SPATA6: variants seen among roughly 807,000 people sequenced by gnomAD.
SPATA6 encodes spermatogenesis associated 6.
Under a neutral mutation model 65.3 loss-of-function variants are expected in SPATA6, and 56 were observed. The observed-to-expected ratio is 0.86, with a 90% CI of 0.69 to 1.07. The LOEUF (loss-of-function observed/expected upper bound fraction) is 1.07. SPATA6 is among the 50% of genes least tolerant of loss of function. SPATA6 has a pLI of 0.00. For synonymous variants in SPATA6, 199 were observed against 213.2 expected, an observed-to-expected ratio of 0.93 and a Z score of 0.58; for missense variants, 590 against 594.8, an observed-to-expected ratio of 0.99 and a Z score of 0.08.
intron 4 of SPATA6, 149 bp downstream of exon 4, chr1:48,412,961 T>A (rs1406816214): frequency 4.2e-6 from 1 of 236,222 alleles, no homozygotes; most frequent in African/African-American, 2.3e-5. Flanking sequence ...GTCACTCACA[T>A]GAGTTCCCAA....
At chr1:48,437,158 G>A (rs936434577) in intron 3 of SPATA6, 7 of 1,606,258 alleles carry the variant, frequency 4.4e-6, no homozygotes, top group African/African-American at 4.0e-5. Flanking sequence ...ATTGCCTCCA[G>A]TGTTACCTTG....
At chr1:48,329,689 G>T (rs984411461) in intron 11 of SPATA6, among the ~76,000 whole-genome samples, 4 of 152,220 alleles carry the variant, frequency 2.6e-5, no homozygotes, top group African/African-American at 9.6e-5. Flanking sequence ...CCGCTCATAT[G>T]AGAAACCACG....
chr1:48,457,484 A>G (rs1326594896), intron 1 of SPATA6, among the ~76,000 whole-genome samples: 1 of 152,200 alleles, frequency 6.6e-6, no homozygotes, highest in Non-Finnish European at 1.5e-5. Flanking sequence ...TCAAGAAGAG[A>G]GAATCTTGAA....
At chr1:48,268,720 A>G in the SPATA6 span, among the ~76,000 whole-genome samples, 3 of 152,330 alleles carry the variant, frequency 2.0e-5, no homozygotes, top group African/African-American at 7.2e-5. Context: ...TGTAAAACCT[A>G]CATAGAACTT....
intron 11 of SPATA6, among the ~76,000 whole-genome samples, chr1:48,346,475 A>G (rs1488309925): frequency 6.6e-6 from 1 of 152,000 alleles, no homozygotes; most frequent in Non-Finnish European, 1.5e-5. Context: ...TCCTGGACGG[A>G]GCAATCAGAC....
intron 6 of SPATA6, chr1:48,400,897 CAT>C: frequency 8.9e-7 from 1 of 1,127,760 alleles, no homozygotes; most frequent in Non-Finnish European, 1.1e-6. Context: ...CCATTTCACC[CAT>C]CTCTGTGACA....
chr1:48,377,519 C>A (rs1408636824), intron 9 of SPATA6, among the ~76,000 whole-genome samples: 2 of 152,116 alleles, frequency 1.3e-5, no homozygotes, highest in Non-Finnish European at 2.9e-5. Context: ...TTTCCATTCT[C>A]CTCAACCAGG....
intron 11 of SPATA6, 124 bp downstream of exon 11, chr1:48,355,546 C>T (rs1646633563): frequency 3.1e-6 from 2 of 645,966 alleles, no homozygotes; most frequent in East Asian, 2.9e-5. Context: ...TGACTTCCAT[C>T]AAATGGAGCT....
chr1:48,384,343 ACAGGGACAGG>A (rs1161269347), intron 9 of SPATA6, among the ~76,000 whole-genome samples: 1 of 54,954 alleles, frequency 1.8e-5, no homozygotes, highest in African/African-American at 1.6e-4. Context: ...AGGGACAGGG[ACAGGGACAGG>A]GAGAGGGAGA....
At chr1:48,264,082 G>A in the SPATA6 span, among the ~76,000 whole-genome samples, 2 of 152,144 alleles carry the variant, frequency 1.3e-5, no homozygotes, top group African/African-American at 4.8e-5. Flanking sequence ...TAGTTCACAA[G>A]TGCTCAATAA....
In SPATA6 at chr1:48,399,802, T is replaced by C. The variant is rs1056496644; in HGVS notation, c.487-158A>G. 5.9e-5 allele frequency among the ~76,000 whole-genome samples: 9 copies of C among 152,010 alleles called. No homozygotes were observed. In the East Asian group the frequency reaches 1.7e-3, roughly 29 times the overall value. On this transcript the variant is annotated intron_variant, in intron 6 of 12. Transcript: ENST00000371847. The stretch of plus-strand genomic sequence containing the variant: ...TGTGCTGATCCTGGGATAAGTCAAA[T>C]CCACATTCTCCTAGATAACTCTTTC...
intron 5 of SPATA6, among the ~76,000 whole-genome samples, chr1:48,410,063 C>T (rs1652073054): frequency 1.3e-5 from 2 of 152,198 alleles, no homozygotes; most frequent in Non-Finnish European, 2.9e-5. Flanking sequence ...ATCCCATTGT[C>T]AGGCTGCAAA....
chr1:48,313,576 G>C (rs1488680738), intron 11 of SPATA6, among the ~76,000 whole-genome samples: 1 of 152,128 alleles, frequency 6.6e-6, no homozygotes, highest in East Asian at 1.9e-4. Flanking sequence ...ACTGGTACCA[G>C]CCACTGCAAA....
At chr1:48,445,638 A>G (rs559116731) in intron 3 of SPATA6, among the ~76,000 whole-genome samples, 89 of 126,860 alleles carry the variant, frequency 7.0e-4, no homozygotes, top group African/African-American at 2.5e-3. Flanking sequence ...CCAGACTGGG[A>G]GAGAGAGTGA....
chr1:48,299,883 A>G (rs1233731575), intron 12 of SPATA6, among the ~76,000 whole-genome samples: 1 of 152,200 alleles, frequency 6.6e-6, no homozygotes, highest in Non-Finnish European at 1.5e-5. Flanking sequence ...CTACTATGCC[A>G]TGCTGCTATT....
the SPATA6 span, among the ~76,000 whole-genome samples, chr1:48,283,860 C>T: frequency 6.6e-6 from 1 of 152,046 alleles, no homozygotes; most frequent in Non-Finnish European, 1.5e-5. Flanking sequence ...CTGCCCTTAA[C>T]ATTTTTTCAT....
chr1:48,310,679 C>G, intron 11 of SPATA6, among the ~76,000 whole-genome samples: 1 of 152,162 alleles, frequency 6.6e-6, no homozygotes, highest in African/African-American at 2.4e-5. Context: ...ACAGAACAAT[C>G]AGGCAGAAGA....
intron 3 of SPATA6, among the ~76,000 whole-genome samples, chr1:48,443,261 A>C (rs899874175): frequency 6.6e-6 from 1 of 152,192 alleles, no homozygotes; most frequent in Non-Finnish European, 1.5e-5. Flanking sequence ...GTTTTCAACG[A>C]AAGTAAAGTT....
At chr1:48,306,546 A>G (rs943456833) in intron 11 of SPATA6, among the ~76,000 whole-genome samples, 2 of 151,992 alleles carry the variant, frequency 1.3e-5, no homozygotes, top group Non-Finnish European at 2.9e-5. Flanking sequence ...TGGTAATGGT[A>G]TATAATTTAA....
Sources: gnomAD v4.1 joint callset for allele counts (sites outside exome capture counted in the v4.1 genomes callset) on GRCh38, gnomAD v4.1.1 for gene constraint, MANE v1.5 for transcripts, NCBI Gene and HGNC (gene_info 2026-07-23, HGNC 2026-07-21) for gene names.